The following COL6A1 variants were observed in gnomAD, a reference collection of about 807,000 sequenced individuals.
The protein encoded by COL6A1 is collagen alpha-1(VI) chain.
In COL6A1, 80 loss-of-function variants were observed where a neutral mutation model predicts 145.6. The ratio of observed to expected loss-of-function variants is 0.55; its 90% CI spans 0.46 to 0.66. The LOEUF (loss-of-function observed/expected upper bound fraction) is 0.66. Ranked by LOEUF, COL6A1 falls within the 30% of genes least tolerant of loss-of-function variation. COL6A1 has a pLI of 0.00. For missense variants in COL6A1, 1,364 were observed against 1,473.8 expected, an observed-to-expected ratio of 0.93 and a Z score of 1.22; for synonymous variants, 638 against 622.8, an observed-to-expected ratio of 1.02 and a Z score of -0.36.
rs764612598 is a variant in COL6A1, at chr21:45,984,332, G to T, written c.291G>T (p.Val97=). The part of the protein sequence containing the change: ...NAGALHYSDE[V]EIIQGLTRMP... ...GCGCGCTGCACTACAGTGACGAGGT[G>T]GAGATCATCCAAGGCCTCACGCGCA... Residue 97 remains valine (V), a synonymous_variant, in exon 3 of 35, where the codon GTG becomes GTT. Transcript: ENST00000361866. 6.2e-7 allele frequency: 1 copy of T among 1,612,382 alleles called. No individual in the cohort carries two copies. Among genetic ancestry groups the T allele is most frequent in the Non-Finnish European group, 8.5e-7 (1 of 1,179,788 alleles).
At chr21:45,989,051 GC>G (rs2077758990) in intron 8 of COL6A1, 32 bp from the exon 9 acceptor site, 1 of 1,607,200 alleles carries the variant, frequency 6.2e-7, no homozygotes, top group Non-Finnish European at 8.5e-7. Context: ...AAGAAACGGG[GC>G]TGCCCCAACC....
rs746818337 is a variant in COL6A1, at chr21:45,987,577, G to C, written c.760-33G>C. 21 of 1,612,630 alleles carry C rather than the reference G, an allele frequency of 1.3e-5. No individual in the cohort carries two copies. The African/African-American group carries it at 2.7e-4, about 20-fold the overall frequency. Reference sequence around the variant, plus strand: ...CCTGCACCCTGGGAACCTGAGTCTGGGGTCCTGGCTGACCGTCCCCTCTGC... The same window carrying C: ...CCTGCACCCTGGGAACCTGAGTCTGCGGTCCTGGCTGACCGTCCCCTCTGC... On this transcript the variant is annotated intron_variant, in intron 7 of 34. Transcript: ENST00000361866.
chr21:45,993,358 G>A (rs1163392324), intron 19 of COL6A1, among the ~76,000 whole-genome samples: 1 of 152,236 alleles, frequency 6.6e-6, no homozygotes, highest in African/African-American at 2.4e-5. Context: ...TGGGAAATCT[G>A]TGCTGGATGT....
Position 45,994,178 on chromosome 21 carries a change from C to T in COL6A1, c.1347C>T (p.Gly449=). The change falls in exon 20 of 35, where the codon GGC becomes GGT. Residue 449 remains glycine (G), a synonymous_variant. Transcript: ENST00000361866. This position sits in a 1 kb window ranked among gnomAD's most constrained non-coding sequence, Gnocchi z 6.8. ...TCGTTTCTCTTCAGGGTGAAGCTGG[C>T]CCGCAGGGTGATCAGGGAAGAGAAG... ...RGPRGDPGEA[G]PQGDQGREGP... 6.2e-7 allele frequency: 1 copy of T among 1,603,078 alleles called. No individual in the cohort carries two copies. Among genetic ancestry groups the T allele is most frequent in the Non-Finnish European group, 8.5e-7 (1 of 1,175,920 alleles).
chr21:45,998,727 G>A (rs921806071), intron 24 of COL6A1, among the ~76,000 whole-genome samples, 170 bp from the exon 25 acceptor site: 3 of 152,236 alleles, frequency 2.0e-5, no homozygotes, highest in Non-Finnish European at 2.9e-5. Context: ...GCCGCCCCAC[G>A]GCTCTCTAGG....
rs781396484 is a variant in COL6A1, at chr21:45,984,352, C to T, written c.311C>T (p.Thr104Met). The part of the protein sequence containing the change: ...SDEVEIIQGL[T>M]RMPGGRDALK... ...GAGGTGGAGATCATCCAAGGCCTCA[C>T]GCGCATGCCTGGCGGCCGCGACGCA... Residue 104 changes from threonine (T) to methionine (M), a missense_variant, in exon 3 of 35, where the codon ACG becomes ATG. Physicochemically the swap from Thr to Met is moderately conservative, Grantham distance 81. Coordinates refer to ENST00000361866, the MANE Select transcript of COL6A1 (RefSeq NM_001848.3). 8.1e-6 allele frequency: 13 copies of T among 1,612,480 alleles called. No homozygotes were observed. In the East Asian group the frequency reaches 8.9e-5, roughly 11 times the overall value.
chr21:45,998,053 C>T lies in COL6A1; in HGVS notation c.1525-68C>T, dbSNP rs574773736. On this transcript the variant is annotated intron_variant, in intron 22 of 34. Transcript: ENST00000361866. ...GCCCTGCGGGTGAGGTGCTCCCGGG[C>T]CTGTGCCAGCCAGTGGGTATCCCAG... 3.8e-6 allele frequency: 6 copies of T among 1,576,934 alleles called. No homozygotes were observed. The East Asian group carries it at 1.2e-4, about 31-fold the overall frequency.
At chr21:45,989,981 T>A (rs2077764605) in intron 11 of COL6A1, among the ~76,000 whole-genome samples, 1 of 151,858 alleles carries the variant, frequency 6.6e-6, no homozygotes, top group Non-Finnish European at 1.5e-5. Flanking sequence ...TGTGTCACTT[T>A]CACCCCACCC....
Position 45,999,154 on chromosome 21 carries a change from A to G in COL6A1, c.1676A>G (p.Asn559Ser), listed in dbSNP as rs2077823657. 1 of 1,598,636 alleles carries G rather than the reference A, an allele frequency of 6.3e-7. No homozygotes were observed. Among genetic ancestry groups the G allele is most frequent in the Non-Finnish European group, 8.5e-7 (1 of 1,173,570 alleles). ...EGEAGDPGDD[N>S]NDIAPRGVKG... is the part of the protein sequence containing the mutation. ...TGACACAACGCTGTTCCCTTCTAGAACAACGACATTGCACCCCGAGGAGTC... is the reference window on the plus strand; with the variant it reads ...TGACACAACGCTGTTCCCTTCTAGAGCAACGACATTGCACCCCGAGGAGTC... The change falls in exon 26 of 35, where the codon AAC becomes AGC. Residue 559 changes from asparagine to serine, a missense_variant and splice_region_variant. By Grantham distance (46) the Asn-to-Ser change is conservative. Around this residue, in one of 3 missense-constraint regions of COL6A1, gnomAD observed 938 missense variants for 1,003.8 expected, o/e 0.93. Coordinates refer to ENST00000361866, the MANE Select transcript of COL6A1 (RefSeq NM_001848.3).
At chr21:45,990,076 C>T (rs1268265775) in intron 11 of COL6A1, among the ~76,000 whole-genome samples, 182 bp from the exon 12 acceptor site, 1 of 40,044 alleles carries the variant, frequency 2.5e-5, no homozygotes, top group Non-Finnish European at 5.3e-5. Context: ...GGGGGTCCCC[C>T]GGGCGGTTAC....
chr21:45,986,821 C>A, intron 4 of COL6A1, 123 bp from the exon 5 acceptor site: 1 of 1,519,328 alleles, frequency 6.6e-7, no homozygotes, highest in Non-Finnish European at 8.8e-7. Context: ...CCCTGAGAGG[C>A]CAGCCCCTCC....
chr21:45,984,395 C>T lies in COL6A1; in HGVS notation c.354C>T (p.Asp118=), dbSNP rs1569517713. 1.2e-6 allele frequency: 2 copies of T among 1,612,728 alleles called. No individual in the cohort carries two copies. Among genetic ancestry groups the T allele is most frequent in the Non-Finnish European group, 8.5e-7 (1 of 1,179,962 alleles). Residue 118 remains aspartate (D), a synonymous_variant, in exon 3 of 35, where the codon GAC becomes GAT. Transcript: ENST00000361866. ...GGRDALKSSV[D]AVKYFGKGTY... is the part of the protein sequence containing the mutation. ...GCGACGCACTCAAAAGCAGCGTGGA[C>T]GCGGTCAAGTACTTTGGGAAGGGCA...
At position 46,004,876 on chromosome 21, in the gene COL6A1, AG is replaced by A. The variant is rs1174355836; in HGVS notation, c.*866del. 1.7e-5 allele frequency: 3 copies of A among 176,332 alleles called. No homozygotes were observed. Among genetic ancestry groups the A allele is most frequent in the South Asian group, 1.7e-4 (2 of 11,478 alleles). The allele number at this position is 176,332 out of a possible 1,614,324, so 10.9% of individuals were successfully genotyped here. Reference sequence around the variant, plus strand: ...ACATGAGAGCCCCTTGGTGCCACAGAGGGCTGTGTCTTACTAGAAACAACGC... The same window carrying A: ...ACATGAGAGCCCCTTGGTGCCACAGAGGCTGTGTCTTACTAGAAACAACGC... On this transcript the variant is annotated 3_prime_UTR_variant, in exon 35 of 35. Transcript: ENST00000361866.
chr21:45,986,911 C>T, intron 4 of COL6A1, 33 bp from the exon 5 acceptor site: 1 of 1,539,528 alleles, frequency 6.5e-7, no homozygotes, highest in Non-Finnish European at 8.7e-7. Context: ...GGGGTCCCAG[C>T]CCTGCTCAGC....
chr21:45,989,511 C>G, intron 9 of COL6A1, 97 bp from the exon 10 acceptor site: 1 of 1,298,130 alleles, frequency 7.7e-7, no homozygotes, highest in Non-Finnish European at 1.1e-6. Flanking sequence ...CTCGGCCTGA[C>G]CAGGCCTGGG....
In COL6A1 at chr21:45,985,747, C is replaced by T. The variant is rs114314938; in HGVS notation, c.429-779C>T. ...GGGGGGTTTGGGGAGAGCCTCTCCC[C>T]GAGGTCGGTCTCAGAGGGCCACATG... On this transcript the variant is annotated intron_variant, in intron 3 of 34. Transcript: ENST00000361866. Among the ~76,000 whole-genome samples the T allele has an allele frequency of 4.7e-3, 717 of 152,318 alleles. 6 individuals carry two copies. Among genetic ancestry groups the T allele is most frequent in the African/African-American group, 0.015 (633 of 41,578 alleles).
chr21:45,989,279 G>A, intron 9 of COL6A1, 142 bp downstream of exon 9: 1 of 932,154 alleles, frequency 1.1e-6, no homozygotes, highest in South Asian at 1.7e-5. Context: ...CAGACCTGGA[G>A]GGGCCACAGC....
chr21:45,990,313 T>C, intron 12 of COL6A1, 29 bp downstream of exon 12: 10 of 1,611,562 alleles, frequency 6.2e-6, no homozygotes, highest in Non-Finnish European at 8.5e-6. Context: ...GAGGGGGGAG[T>C]TCTGCCCCCA....
intron 20 of COL6A1, among the ~76,000 whole-genome samples, chr21:45,996,671 A>C (rs958870475): frequency 6.6e-6 from 1 of 152,148 alleles, no homozygotes. Context: ...CGATGTGTAC[A>C]CGGCTCCCTT....
Sources: gnomAD v4.1 joint callset for allele counts (sites outside exome capture counted in the v4.1 genomes callset) on GRCh38, gnomAD v4.1.1 for gene constraint, gnomAD v4.1.1 regional missense constraint, Gnocchi (gnomAD v3.1) non-coding constraint, MANE v1.5 for transcripts, NCBI Gene and HGNC (gene_info 2026-07-23, HGNC 2026-07-21) for gene names.